EPM2A: variants seen among roughly 807,000 people sequenced by gnomAD.
EPM2A encodes the protein laforin.
In EPM2A, 21 loss-of-function variants were observed where a neutral mutation model predicts 26.5. That is an observed-to-expected ratio of 0.79 (90% CI 0.56 to 1.14). The LOEUF (loss-of-function observed/expected upper bound fraction) is 1.14, where lower values mean the gene tolerates loss of function less well. EPM2A is among the 50% of genes most tolerant of loss of function. The pLI is 0.00. For synonymous variants in EPM2A, 217 were observed against 177.6 expected (o/e 1.22, Z -1.76); for missense variants, 458 against 440.8 (o/e 1.04, Z -0.35).
intron 1 of EPM2A, among the ~76,000 whole-genome samples, chr6:145,719,484 A>AG (rs924086091): frequency 2.1e-5 from 2 of 94,394 alleles, no homozygotes; most frequent in African/African-American, 4.1e-5. Context: ...GGGTTGGGGG[A>AG]GGGGGGAGGG....
At chr6:145,474,246 G>C (rs564147530) in intron 4 of EPM2A, among the ~76,000 whole-genome samples, 1 of 152,270 alleles carries the variant, frequency 6.6e-6, no homozygotes, top group South Asian at 2.1e-4. Context: ...TGGATCACCT[G>C]AGGTCAGGAG....
intron 2 of EPM2A, among the ~76,000 whole-genome samples, chr6:145,512,536 AC>A (rs1780068103): frequency 6.6e-6 from 1 of 151,726 alleles, no homozygotes; most frequent in African/African-American, 2.4e-5. Context: ...AAATGGTGAA[AC>A]CCTGTCTCTA....
At chr6:145,564,468 G>A (rs1186119418) in intron 2 of EPM2A, among the ~76,000 whole-genome samples, 2 of 152,216 alleles carry the variant, frequency 1.3e-5, no homozygotes, top group Non-Finnish European at 2.9e-5. Flanking sequence ...GCCAAACACA[G>A]AAGCAAAGTT....
At chr6:145,735,966 A>T (rs1776855531), upstream of EPM2A, 1 of 152,026 alleles carries the variant, frequency 6.6e-6, no homozygotes, top group Admixed American at 6.6e-5. Flanking sequence ...TGGTCTCTGG[A>T]GCGCTCCCTA....
intron 4 of EPM2A, among the ~76,000 whole-genome samples, chr6:145,473,621 C>A (rs1779504585): frequency 6.6e-6 from 1 of 151,780 alleles, no homozygotes; most frequent in Admixed American, 6.6e-5. Flanking sequence ...ATTTAATAGT[C>A]AAAACTCCTG....
intron 4 of EPM2A, among the ~76,000 whole-genome samples, chr6:145,421,031 C>T (rs924371025): frequency 3.3e-5 from 5 of 152,056 alleles, no homozygotes; most frequent in Admixed American, 3.3e-4. Flanking sequence ...ATTAAGTTTC[C>T]AACACATGAA....
In EPM2A at chr6:145,384,734, G is replaced by T. The variant is rs1240492751; in HGVS notation, c.556-637C>A. 2.0e-5 allele frequency among the ~76,000 whole-genome samples: 3 copies of T among 147,352 alleles called. No individual in the cohort carries two copies. In the East Asian group the frequency reaches 5.9e-4, roughly 29 times the overall value. On this transcript the variant is annotated intron_variant, in intron 4 of 4. Coordinates refer to the EPM2A transcript ENST00000638717. Reference sequence around the variant, plus strand: ...ACATGCATCCTGAAATATGCATCTGGATCCTGAATATGCATGTGGATATGC... The same window carrying T: ...ACATGCATCCTGAAATATGCATCTGTATCCTGAATATGCATGTGGATATGC...
chr6:145,674,606 A>G (rs1163516063), intron 2 of EPM2A, among the ~76,000 whole-genome samples: 3 of 152,202 alleles, frequency 2.0e-5, no homozygotes. Flanking sequence ...GACCTGACGG[A>G]GCTGAAAACC....
chr6:145,672,685 G>T, intron 2 of EPM2A, among the ~76,000 whole-genome samples: 1 of 152,218 alleles, frequency 6.6e-6, no homozygotes, highest in Middle Eastern at 3.2e-3. Context: ...TCTGGACTGG[G>T]GGAACCCCGG....
chr6:145,703,795 T>G (rs1186972991), intron 1 of EPM2A, among the ~76,000 whole-genome samples: 1 of 152,216 alleles, frequency 6.6e-6, no homozygotes, highest in East Asian at 1.9e-4. Flanking sequence ...TTAACTCATC[T>G]TGTGGGACTA....
chr6:145,645,689 C>A (rs955301961), intron 2 of EPM2A, among the ~76,000 whole-genome samples: 7 of 151,992 alleles, frequency 4.6e-5, no homozygotes, highest in African/African-American at 1.5e-4. Flanking sequence ...CAACCTCTGT[C>A]TCCCAGGCTC....
intron 2 of EPM2A, chr6:145,671,418 A>C: frequency 2.0e-6 from 2 of 992,396 alleles, no homozygotes; most frequent in Middle Eastern, 2.8e-4. Flanking sequence ...AGAGAAGCTG[A>C]TATGAACTAT....
intron 4 of EPM2A, among the ~76,000 whole-genome samples, chr6:145,477,054 C>T (rs891044143): frequency 1.1e-4 from 17 of 151,208 alleles, no homozygotes; most frequent in Non-Finnish European, 2.5e-4. Context: ...TTCAGCCAGA[C>T]TAAGAAAAAA....
rs113634726 is a variant in EPM2A at position 145,654,015 on chromosome 6, T to C, written c.477-18529A>G. On this transcript the variant is annotated intron_variant, in intron 2 of 3. Coordinates refer to ENST00000367519, the MANE Select transcript of EPM2A (RefSeq NM_005670.4). ...TTTAATTTATATATTGCTGCTGAAA[T>C]AGCCAGGCCTTAATGCCTTATCATT... is the stretch of plus-strand genomic sequence containing the variant. Among the ~76,000 whole-genome samples the C allele has an allele frequency of 4.0e-3, 610 of 152,262 alleles. 2 individuals carry two copies. Among genetic ancestry groups the C allele is most frequent in the African/African-American group, 0.014 (580 of 41,546 alleles).
intron 2 of EPM2A, among the ~76,000 whole-genome samples, chr6:145,583,936 G>T (rs1276573930): frequency 6.6e-6 from 1 of 152,148 alleles, no homozygotes; most frequent in Non-Finnish European, 1.5e-5. Flanking sequence ...AGGCAGGGTG[G>T]TGGGGGGGTG....
intron 3 of EPM2A, 25 bp from the exon 4 acceptor site, chr6:145,627,718 C>G: frequency 6.2e-7 from 1 of 1,612,458 alleles, no homozygotes; most frequent in South Asian, 1.1e-5. Flanking sequence ...GCACAGCACA[C>G]ATGTGAATAA....
At chr6:145,705,805 T>A in intron 1 of EPM2A, 1 of 452,870 alleles carries the variant, frequency 2.2e-6, no homozygotes, top group South Asian at 1.6e-5. Flanking sequence ...AAGATATACT[T>A]CTTCAACAGA....
chr6:145,569,975 T>C lies in EPM2A; in HGVS notation c.340+65270A>G, dbSNP rs548623939. On this transcript the variant is annotated intron_variant, in intron 2 of 3. Coordinates refer to the EPM2A transcript ENST00000450221. Reference sequence around the variant, plus strand: ...AGTCTGAATTCCAAAACTGAAGAACTTGGAGCCCGATGTTCGAGGGCAGGA... The same window carrying C: ...AGTCTGAATTCCAAAACTGAAGAACCTGGAGCCCGATGTTCGAGGGCAGGA... Among the ~76,000 whole-genome samples the C allele has an allele frequency of 1.2e-4, 19 of 152,236 alleles. No individual in the cohort carries two copies. In the South Asian group the frequency reaches 3.3e-3, roughly 27 times the overall value.
At chr6:145,439,692 G>T (rs1276779043) in intron 4 of EPM2A, among the ~76,000 whole-genome samples, 1 of 152,014 alleles carries the variant, frequency 6.6e-6, no homozygotes, top group Admixed American at 6.6e-5. Flanking sequence ...GTTTGTTTAA[G>T]TTCCTTGAAG....
Sources: allele counts gnomAD v4.1 joint callset (sites outside exome capture counted in the v4.1 genomes callset), GRCh38; gene constraint gnomAD v4.1.1; transcripts MANE v1.5; gene names NCBI Gene and HGNC (gene_info 2026-07-23, HGNC 2026-07-21).